Variants in FGF1 observed in about 807,000 individuals in gnomAD.
FGF1 encodes fibroblast growth factor 1.
In FGF1, 9 loss-of-function variants were observed where a neutral mutation model predicts 13.4. The ratio of observed to expected loss-of-function variants is 0.67; its 90% CI spans 0.40 to 1.17. The LOEUF (loss-of-function observed/expected upper bound fraction) is 1.17, where lower values mean the gene tolerates loss of function less well. Ranked by LOEUF, FGF1 falls within the 50% of genes most tolerant of loss-of-function variation. FGF1 has a pLI of 0.01. For missense variants in FGF1, 156 were observed against 192.7 expected (o/e 0.81, Z 1.13); for synonymous variants, 93 against 79.0 (o/e 1.18, Z -0.94).
At chr5:142,632,248 G>C (rs1763494004) in intron 1 of FGF1, among the ~76,000 whole-genome samples, 1 of 152,154 alleles carries the variant, frequency 6.6e-6, no homozygotes, top group African/African-American at 2.4e-5. Flanking sequence ...AAAGAGAGAA[G>C]AGCAGTTCTT....
chr5:142,677,536 C>T (rs1371514624), intron 1 of FGF1, among the ~76,000 whole-genome samples: 3 of 152,202 alleles, frequency 2.0e-5, no homozygotes, highest in Admixed American at 6.5e-5. Context: ...AGCATAGGGT[C>T]CTGGGAACTG....
intron 1 of FGF1, among the ~76,000 whole-genome samples, chr5:142,617,287 C>G (rs1760457780): frequency 6.6e-6 from 1 of 152,080 alleles, no homozygotes; most frequent in Non-Finnish European, 1.5e-5. Flanking sequence ...ATGGCATGAA[C>G]CTGGGAGACG....
chr5:142,619,646 G>A (rs534833772), intron 1 of FGF1, among the ~76,000 whole-genome samples: 2 of 152,116 alleles, frequency 1.3e-5, no homozygotes, highest in East Asian at 1.9e-4. Context: ...CCAGCCTGAC[G>A]AACATGGAGA....
rs1754983280 is a variant in FGF1, at chr5:142,595,138, T to C, written c.*152A>G. The stretch of plus-strand genomic sequence containing the variant: ...AGGGGTAAAAGGCTCTGCAAAGAAG[T>C]GAACTGGGCATTTAGAAGCAAGTTG... On this transcript the variant is annotated 3_prime_UTR_variant, in exon 4 of 4. Transcript: ENST00000337706. 1 of 629,940 alleles carries C rather than the reference T, an allele frequency of 1.6e-6. No individual in the cohort carries two copies. Among genetic ancestry groups the C allele is most frequent in the Non-Finnish European group, 2.8e-6 (1 of 361,494 alleles). 39.0% of individuals were successfully genotyped at this position (629,940 alleles called of 1,614,324 possible). A position where few individuals can be genotyped will look rare whatever the true frequency, so the allele number is the denominator to read the frequency against.
chr5:142,661,128 T>G (rs906700108), intron 1 of FGF1, among the ~76,000 whole-genome samples: 1 of 152,244 alleles, frequency 6.6e-6, no homozygotes, highest in Non-Finnish European at 1.5e-5. Context: ...TGCTCCACTC[T>G]TACATTCATT....
At chr5:142,609,151 C>T (rs1338894632) in intron 2 of FGF1, among the ~76,000 whole-genome samples, 1 of 152,064 alleles carries the variant, frequency 6.6e-6, no homozygotes, top group East Asian at 1.9e-4. Context: ...AGGAATCTGC[C>T]CTTTAGAAAG....
At chr5:142,664,252 C>T (rs1380856704) in intron 1 of FGF1, among the ~76,000 whole-genome samples, 1 of 152,144 alleles carries the variant, frequency 6.6e-6, no homozygotes, top group African/African-American at 2.4e-5. Flanking sequence ...AACAAAGGCG[C>T]CCCCCACCTC....
At chr5:142,614,531 C>T (rs934882449) in intron 1 of FGF1, among the ~76,000 whole-genome samples, 6 of 152,186 alleles carry the variant, frequency 3.9e-5, no homozygotes, top group Admixed American at 3.3e-4. Flanking sequence ...AAAATAACAC[C>T]TAGGGTCTGG....
chr5:142,656,293 C>T (rs1768145548), intron 1 of FGF1, among the ~76,000 whole-genome samples: 1 of 151,650 alleles, frequency 6.6e-6, no homozygotes, highest in African/African-American at 2.4e-5. Context: ...TCCATCTTAT[C>T]AGGTTAATAA....
Position 142,595,293 on chromosome 5 carries a change from A to C in FGF1, c.465T>G (p.Asp155Glu). 3 of 1,613,352 alleles carry C rather than the reference A, an allele frequency of 1.9e-6. No individual in the cohort carries two copies. Among genetic ancestry groups the C allele is most frequent in the Non-Finnish European group, 2.5e-6 (3 of 1,179,476 alleles). The stretch of plus-strand genomic sequence containing the variant: ...TCAACACCCAGAACAGATCTCTTTA[A>C]TCAGAAGAGACTGGCAGGGGGAGAA... ...ILFLPLPVSS[D>E] The change falls in exon 4 of 4, where the codon GAT (aspartate) becomes GAG (glutamate). Residue 155 changes from aspartate (D) to glutamate (E), a missense_variant. By Grantham distance (45) the Asp-to-Glu change is conservative. Coordinates refer to ENST00000337706, the MANE Select transcript of FGF1 (RefSeq NM_000800.5).
At chr5:142,607,874 A>G (rs561847210) in intron 2 of FGF1, among the ~76,000 whole-genome samples, 1 of 152,196 alleles carries the variant, frequency 6.6e-6, no homozygotes, top group African/African-American at 2.4e-5. Flanking sequence ...GAGCTTTTGC[A>G]TGGCTGTGCT....
chr5:142,676,659 G>C (rs867597212), intron 1 of FGF1, among the ~76,000 whole-genome samples: 1 of 152,168 alleles, frequency 6.6e-6, no homozygotes, highest in African/African-American at 2.4e-5. Flanking sequence ...TGAGAGATGG[G>C]TCAGAACTGT....
chr5:142,655,321 T>G (rs988601767), intron 1 of FGF1, among the ~76,000 whole-genome samples: 2 of 152,184 alleles, frequency 1.3e-5, no homozygotes, highest in African/African-American at 4.8e-5. Context: ...TTCCCTCATC[T>G]CGTCCACCAT....
intron 1 of FGF1, among the ~76,000 whole-genome samples, chr5:142,651,821 G>A (rs1597333321): frequency 6.8e-6 from 1 of 147,492 alleles, no homozygotes; most frequent in South Asian, 2.1e-4. Context: ...TTTGTGTCTT[G>A]GTAGCTCATT....
chr5:142,614,229 G>C (rs948954939), intron 1 of FGF1, 68 bp from the exon 2 acceptor site: 3 of 1,287,360 alleles, frequency 2.3e-6, no homozygotes, highest in Non-Finnish European at 3.3e-6. Flanking sequence ...TTTGAAGAGA[G>C]GAAGGACAGC....
intron 1 of FGF1, among the ~76,000 whole-genome samples, chr5:142,632,733 T>A (rs1404707142): frequency 6.6e-6 from 1 of 152,172 alleles, no homozygotes; most frequent in Non-Finnish European, 1.5e-5. Context: ...CATTAGGAAT[T>A]TCCCCCTCAT....
At chr5:142,665,164 C>A (rs1268787613) in intron 1 of FGF1, among the ~76,000 whole-genome samples, 1 of 152,082 alleles carries the variant, frequency 6.6e-6, no homozygotes, top group Non-Finnish European at 1.5e-5. Flanking sequence ...CATAGCAAGA[C>A]TTCATCTCAA....
chr5:142,632,320 A>G (rs1763504364), intron 1 of FGF1, among the ~76,000 whole-genome samples: 1 of 152,168 alleles, frequency 6.6e-6, no homozygotes, highest in African/African-American at 2.4e-5. Context: ...AACCAAAATG[A>G]CTAAGGAGAC....
chr5:142,673,782 G>A (rs1026307596), intron 1 of FGF1, among the ~76,000 whole-genome samples: 4 of 152,110 alleles, frequency 2.6e-5, no homozygotes, highest in Non-Finnish European at 5.9e-5. Flanking sequence ...TTCTTTATAG[G>A]AGAATATCAA....
Sources: gnomAD v4.1 joint callset for allele counts (sites outside exome capture counted in the v4.1 genomes callset) on GRCh38, gnomAD v4.1.1 for gene constraint, MANE v1.5 for transcripts, NCBI Gene and HGNC (gene_info 2026-07-23, HGNC 2026-07-21) for gene names.